CAMSAP2: variants seen among roughly 807,000 people sequenced by gnomAD.
The protein encoded by CAMSAP2 is calmodulin regulated spectrin associated protein family member 2.
A neutral mutation model predicts 146.1 loss-of-function variants in CAMSAP2; 26 were observed. The ratio of observed to expected loss-of-function variants is 0.18; its 90% CI spans 0.13 to 0.25. The LOEUF is 0.25. Ranked by LOEUF, CAMSAP2 falls within the 10% of genes least tolerant of loss-of-function variation. CAMSAP2 has a pLI of 1.00. For synonymous variants in CAMSAP2, 499 were observed against 596.6 expected (o/e 0.84, Z 2.38); for missense variants, 1,381 against 1,759.3 (o/e 0.78, Z 3.85).
intron 2 of CAMSAP2, among the ~76,000 whole-genome samples, chr1:200,802,407 T>C (rs1484517631): frequency 6.6e-6 from 1 of 152,228 alleles, no homozygotes; most frequent in East Asian, 1.9e-4. Context: ...GTTTTACTTT[T>C]ATCTCCATGT....
At chr1:200,772,631 A>T (rs749613628) in intron 2 of CAMSAP2, among the ~76,000 whole-genome samples, 10 of 152,288 alleles carry the variant, frequency 6.6e-5, no homozygotes, top group South Asian at 2.1e-4. Flanking sequence ...AAAAATAAAT[A>T]AATTAATTAA....
At chr1:200,780,592 G>C (rs1419894773) in intron 2 of CAMSAP2, among the ~76,000 whole-genome samples, 2 of 152,118 alleles carry the variant, frequency 1.3e-5, no homozygotes, top group Admixed American at 6.6e-5. Context: ...GTGAGGTGTG[G>C]GTTAGGTAAT....
intron 2 of CAMSAP2, among the ~76,000 whole-genome samples, chr1:200,769,841 G>A (rs1031334594): frequency 6.6e-6 from 1 of 152,100 alleles, no homozygotes; most frequent in African/African-American, 2.4e-5. Context: ...AGGGTATAGG[G>A]TGGGACTGTC....
rs1467114104 is a variant in CAMSAP2, at chr1:200,860,026, TTAAAAC to T, written c.*1972_*1977del. Reference sequence around the variant, plus strand: ...TTGGATGCAAGACAATGGAGAAACTTTAAAACTAAACAGGACCACCCTTTATTCTTA... The same window carrying T: ...TTGGATGCAAGACAATGGAGAAACTTTAAACAGGACCACCCTTTATTCTTA... On this transcript the variant is annotated 3_prime_UTR_variant, in exon 17 of 17. Coordinates refer to ENST00000358823, the MANE Select transcript of CAMSAP2 (RefSeq NM_203459.4). 2 of 152,690 alleles carry T rather than the reference TTAAAAC, an allele frequency of 1.3e-5. No homozygotes were observed. Among genetic ancestry groups the T allele is most frequent in the African/African-American group, 2.4e-5 (1 of 41,450 alleles). The allele number at this position is 152,690 out of a possible 1,614,324, so 9.5% of individuals were successfully genotyped here.
intron 1 of CAMSAP2, among the ~76,000 whole-genome samples, chr1:200,754,764 A>G (rs1411160710): frequency 1.3e-5 from 2 of 151,692 alleles, no homozygotes; most frequent in Non-Finnish European, 2.9e-5. Flanking sequence ...TTGTATGTTT[A>G]GTAGAGACGG....
intron 2 of CAMSAP2, among the ~76,000 whole-genome samples, chr1:200,768,143 G>A (rs1301962389): frequency 1.3e-5 from 2 of 152,112 alleles, no homozygotes; most frequent in South Asian, 2.1e-4. Flanking sequence ...ACTTTCTAGC[G>A]GTGGCTTATA....
At chr1:200,759,399 C>T (rs1664739019) in intron 1 of CAMSAP2, among the ~76,000 whole-genome samples, 1 of 151,920 alleles carries the variant, frequency 6.6e-6, no homozygotes, top group African/African-American at 2.4e-5. Flanking sequence ...CTGTCTCAAC[C>T]TCCCAAGTAG....
chr1:200,760,602 C>T (rs1664773663), intron 1 of CAMSAP2, among the ~76,000 whole-genome samples: 1 of 152,098 alleles, frequency 6.6e-6, no homozygotes, highest in Non-Finnish European at 1.5e-5. Context: ...TTCTCCTTGT[C>T]TTGTAGTCCC....
intron 2 of CAMSAP2, among the ~76,000 whole-genome samples, chr1:200,773,586 A>G (rs1028384783): frequency 3.9e-5 from 6 of 152,172 alleles, no homozygotes; most frequent in African/African-American, 7.2e-5. Flanking sequence ...AAAGATTTCT[A>G]TGCATTCACT....
intron 1 of CAMSAP2, among the ~76,000 whole-genome samples, chr1:200,754,365 A>G (rs1664589089): frequency 6.6e-6 from 1 of 152,132 alleles, no homozygotes; most frequent in African/African-American, 2.4e-5. Flanking sequence ...TCAAAGTGGT[A>G]TCTGTAGTTT....
chr1:200,852,763 G>A, intron 12 of CAMSAP2, 86 bp downstream of exon 12: 2 of 1,361,144 alleles, frequency 1.5e-6, no homozygotes, highest in Non-Finnish European at 2.0e-6. Context: ...TACTCAAAGA[G>A]GTGGTCTCTC....
chr1:200,841,602 A>T (rs1667325485), intron 6 of CAMSAP2, among the ~76,000 whole-genome samples: 1 of 152,206 alleles, frequency 6.6e-6, no homozygotes, highest in African/African-American at 2.4e-5. Context: ...ATTTCTAGGG[A>T]TCTGAGTAGA....
chr1:200,827,697 C>A (rs1021126891), intron 4 of CAMSAP2, among the ~76,000 whole-genome samples: 2 of 92,730 alleles, frequency 2.2e-5, no homozygotes, highest in Non-Finnish European at 4.0e-5. Context: ...TCTGTTTATA[C>A]GGAAAAACTT....
At chr1:200,791,060 G>A (rs191188985) in intron 2 of CAMSAP2, among the ~76,000 whole-genome samples, 59 of 152,210 alleles carry the variant, frequency 3.9e-4, no homozygotes, top group Middle Eastern at 3.4e-3. Context: ...GGTCAGGCTG[G>A]TCTCGAATCC....
In CAMSAP2 at chr1:200,764,946, A is replaced by G. The variant is rs550403659; in HGVS notation, c.399+3848A>G. 2.6e-5 allele frequency among the ~76,000 whole-genome samples: 4 copies of G among 152,204 alleles called. No homozygotes were observed. The South Asian group carries it at 8.3e-4, about 32-fold the overall frequency. The stretch of plus-strand genomic sequence containing the variant: ...TAGTGAAACCCCATCTCTACTAAAA[A>G]TACAGAAATTAGCTGGGCGTGATGG... On this transcript the variant is annotated intron_variant, in intron 2 of 16. Transcript: ENST00000358823.
intron 4 of CAMSAP2, among the ~76,000 whole-genome samples, chr1:200,816,724 A>AGTGTG (rs1666512733): frequency 2.2e-5 from 2 of 90,104 alleles, no homozygotes; most frequent in African/African-American, 7.0e-5. Context: ...ACACACGCAC[A>AGTGTG]TATATGTGTG....
chr1:200,853,167 C>G lies in CAMSAP2; in HGVS notation c.3603-108C>G, dbSNP rs1667666897. 3.1e-6 allele frequency: 3 copies of G among 954,278 alleles called. No homozygotes were observed. Among genetic ancestry groups the G allele is most frequent in the Non-Finnish European group, 4.8e-6 (3 of 625,718 alleles). 59.1% of individuals were successfully genotyped at this position (954,278 alleles called of 1,614,324 possible). A position where few individuals can be genotyped will look rare whatever the true frequency, so the allele number is the denominator to read the frequency against. ...CCTTTTAAATGAACCATTTATTCACCAAGGTGATGAAATAGAATTCTCCTT... is the reference window on the plus strand; with the variant it reads ...CCTTTTAAATGAACCATTTATTCACGAAGGTGATGAAATAGAATTCTCCTT... On this transcript the variant is annotated intron_variant, in intron 12 of 16. Coordinates refer to ENST00000358823, the MANE Select transcript of CAMSAP2 (RefSeq NM_203459.4). The surrounding 1 kb of genome is among the most constrained non-coding windows in gnomAD (Gnocchi z 5.1).
At chr1:200,834,156 A>G (rs529070955) in intron 6 of CAMSAP2, among the ~76,000 whole-genome samples, 2 of 152,160 alleles carry the variant, frequency 1.3e-5, no homozygotes, top group African/African-American at 4.8e-5. Context: ...TGAGGCGAGG[A>G]GTTCGAGACC....
At chr1:200,759,545 G>C (rs1324524406) in intron 1 of CAMSAP2, among the ~76,000 whole-genome samples, 2 of 152,154 alleles carry the variant, frequency 1.3e-5, no homozygotes, top group Non-Finnish European at 2.9e-5. Context: ...CCAAAGTGCT[G>C]GGATTACGGG....
Sources: allele counts gnomAD v4.1 joint callset (sites outside exome capture counted in the v4.1 genomes callset), GRCh38; gene constraint gnomAD v4.1.1; non-coding constraint Gnocchi (gnomAD v3.1); transcripts MANE v1.5; gene names NCBI Gene and HGNC (gene_info 2026-07-23, HGNC 2026-07-21).